PRPH2: variants seen among roughly 807,000 people sequenced by gnomAD.
PRPH2 encodes the protein peripherin-2.
In PRPH2, 17 loss-of-function variants were observed where a neutral mutation model predicts 31.3. The ratio of observed to expected loss-of-function variants is 0.54; its 90% CI spans 0.37 to 0.81. PRPH2 has a LOEUF of 0.81. Ranked by LOEUF, PRPH2 falls within the 40% of genes least tolerant of loss-of-function variation. The pLI is 0.00. For missense variants in PRPH2, 430 were observed against 439.7 expected (o/e 0.98, Z 0.20); for synonymous variants, 165 against 184.4 (o/e 0.89, Z 0.85).
Position 42,704,578 on chromosome 6 carries a change from C to G in PRPH2, c.615G>C (p.Leu205=). The G allele has an allele frequency of 6.2e-7, 1 of 1,614,186 alleles. No individual in the cohort carries two copies. The change falls in exon 2 of 3, where the codon CTG becomes CTC. Residue 205 remains leucine (L), a synonymous_variant. Coordinates refer to ENST00000230381, the MANE Select transcript of PRPH2 (RefSeq NM_000322.5). Reference sequence around the variant, plus strand: ...AGCAGCTGAAAGGGACGCCGTCCACCAGGTACCGCCCATCCACGTTGCTCT... The same window carrying G: ...AGCAGCTGAAAGGGACGCCGTCCACGAGGTACCGCCCATCCACGTTGCTCT... The part of the protein sequence containing the change: ...RIKSNVDGRY[L]VDGVPFSCCN...
At chr6:42,699,916 A>G (rs1800017163) in intron 2 of PRPH2, among the ~76,000 whole-genome samples, 1 of 151,622 alleles carries the variant, frequency 6.6e-6, no homozygotes, top group African/African-American at 2.4e-5. Context: ...GACCAACAGA[A>G]GAGCAGAAGA....
chr6:42,699,395 G>A (rs1032099196), intron 2 of PRPH2, among the ~76,000 whole-genome samples: 10 of 152,030 alleles, frequency 6.6e-5, no homozygotes, highest in Non-Finnish European at 1.5e-4. Context: ...GTGATGAATG[G>A]ATGCTGGTAA....
intron 2 of PRPH2, among the ~76,000 whole-genome samples, chr6:42,699,931 G>C (rs1435652800): frequency 6.6e-6 from 1 of 150,952 alleles, no homozygotes; most frequent in Non-Finnish European, 1.5e-5. Flanking sequence ...AGAAGAGTCA[G>C]CTGTAGCTGA....
intron 1 of PRPH2, among the ~76,000 whole-genome samples, chr6:42,708,689 G>T (rs1425860462): frequency 6.6e-6 from 1 of 152,170 alleles, no homozygotes; most frequent in African/African-American, 2.4e-5. Flanking sequence ...CTTCCCCTCA[G>T]TACAGTGTCC....
Position 42,699,493 on chromosome 6 carries a change from C to T in PRPH2, c.829-986G>A, listed in dbSNP as rs142982855. 2.5e-3 allele frequency among the ~76,000 whole-genome samples: 384 copies of T among 152,324 alleles called. 1 individual carries two copies. Among genetic ancestry groups the T allele is most frequent in the Middle Eastern group, 0.01 (3 of 294 alleles). On this transcript the variant is annotated intron_variant, in intron 2 of 2. Coordinates refer to ENST00000230381, the MANE Select transcript of PRPH2 (RefSeq NM_000322.5). ...GGTTCAAACCCGGGCACTTAGCCAG[C>T]CGTGTGACCAGGAAACCTCACTTTA...
intron 2 of PRPH2, among the ~76,000 whole-genome samples, chr6:42,701,231 T>G (rs1367362466): frequency 6.6e-6 from 1 of 151,874 alleles, no homozygotes; most frequent in African/African-American, 2.4e-5. Flanking sequence ...TTCAAGCAAT[T>G]CTCCTGCCTC....
chr6:42,701,577 G>C (rs1345643839), intron 2 of PRPH2, among the ~76,000 whole-genome samples: 2 of 151,050 alleles, frequency 1.3e-5, no homozygotes, highest in Non-Finnish European at 2.9e-5. Flanking sequence ...TGGCTCCGCT[G>C]ACTTCTTTTA....
rs367862962 is a variant in PRPH2, at chr6:42,704,380, G to A, written c.813C>T (p.Leu271=). The part of the protein sequence containing the change: ...LMNSMGVVTL[L]IWLFEVTITI... ...CAGGGCCTACCTCGAAGAGCCAAATGAGGAGCGTGACGACACCCATGGAGT... is the reference window on the plus strand; with the variant it reads ...CAGGGCCTACCTCGAAGAGCCAAATAAGGAGCGTGACGACACCCATGGAGT... Residue 271 remains leucine (L), a synonymous_variant, in exon 2 of 3, where the codon CTC becomes CTT. Transcript: ENST00000230381. 3.1e-6 allele frequency: 5 copies of A among 1,609,154 alleles called. No individual in the cohort carries two copies. The African/African-American group carries it at 4.0e-5, about 13-fold the overall frequency.
At chr6:42,704,668 C>T (rs1480933675) in intron 1 of PRPH2, 57 bp from the exon 2 acceptor site, 16 of 1,612,356 alleles carry the variant, frequency 9.9e-6, no homozygotes, top group Non-Finnish European at 1.4e-5. Flanking sequence ...ACAGGGGCCA[C>T]TTCCTCCCAA....
At chr6:42,708,494 C>T (rs887549901) in intron 1 of PRPH2, among the ~76,000 whole-genome samples, 2 of 152,202 alleles carry the variant, frequency 1.3e-5, no homozygotes, top group Non-Finnish European at 2.9e-5. Context: ...TCGGGCCTCC[C>T]GCTCCCCTCT....
At position 42,716,962 on chromosome 6, in the gene PRPH2, C is replaced by CTTTTTTTTTT. The variant is rs1161769235; in HGVS notation, c.581+4782_581+4791dup. On this transcript the variant is annotated intron_variant, in intron 1 of 2. Coordinates refer to ENST00000230381, the MANE Select transcript of PRPH2 (RefSeq NM_000322.5). ...TTCTTTTCTTTTCTTTCTTTCTTTT[C>CTTTTTTTTTT]TTTTTTTTTTTTTTTTTTTTTTTTG... Among the ~76,000 whole-genome samples the CTTTTTTTTTT allele has an allele frequency of 6.0e-4, 27 of 45,200 alleles. 2 individuals are homozygous for CTTTTTTTTTT. The highest frequency in any genetic ancestry group is 1.9e-3 in the African/African-American group (20 of 10,438). 29.7% of individuals were successfully genotyped at this position (45,200 alleles called of 152,430 possible).
intron 2 of PRPH2, among the ~76,000 whole-genome samples, chr6:42,701,413 G>A (rs955061830): frequency 1.1e-4 from 16 of 152,114 alleles, no homozygotes; most frequent in African/African-American, 3.4e-4. Context: ...ATAAGCCACC[G>A]CGCCTGGCCG....
At chr6:42,713,122 G>A (rs554244879) in intron 1 of PRPH2, among the ~76,000 whole-genome samples, 1 of 152,142 alleles carries the variant, frequency 6.6e-6, no homozygotes, top group South Asian at 2.1e-4. Flanking sequence ...CTACTTGGGA[G>A]GCTGAGGCAG....
intron 1 of PRPH2, among the ~76,000 whole-genome samples, chr6:42,709,351 A>C (rs1488259761): frequency 1.3e-5 from 2 of 150,662 alleles, no homozygotes; most frequent in Non-Finnish European, 3.0e-5. Flanking sequence ...AAAAAAAAAA[A>C]AAAACTTGGG....
chr6:42,716,950 TTTC>T (rs1761796743), intron 1 of PRPH2, among the ~76,000 whole-genome samples: 1 of 112,892 alleles, frequency 8.9e-6, no homozygotes, highest in Non-Finnish European at 1.8e-5. Context: ...TTTTCTTTTC[TTTC>T]TTTCTTTTCT....
intron 1 of PRPH2, among the ~76,000 whole-genome samples, chr6:42,717,641 A>C (rs1020369006): frequency 2.0e-5 from 3 of 152,212 alleles, no homozygotes; most frequent in Non-Finnish European, 2.9e-5. Flanking sequence ...AACCCTCCAA[A>C]ATGAAGCCAT....
chr6:42,708,849 T>A (rs1221649771), intron 1 of PRPH2, among the ~76,000 whole-genome samples: 1 of 152,138 alleles, frequency 6.6e-6, no homozygotes, highest in Non-Finnish European at 1.5e-5. Flanking sequence ...TCAGGGGTTA[T>A]GGGGGATATA....
chr6:42,698,474 T>A lies in PRPH2; in HGVS notation c.862A>T (p.Thr288Ser). ...GGGTTGGACACACCATCCAGCGACGTCTGTAGGTAGCGCAGCCCAATTGTA... is the reference window on the plus strand; with the variant it reads ...GGGTTGGACACACCATCCAGCGACGACTGTAGGTAGCGCAGCCCAATTGTA... The part of the protein sequence containing the change: ...TITIGLRYLQ[T>S]SLDGVSNPEE... Residue 288 changes from threonine to serine, a missense_variant, in exon 3 of 3, where the codon ACG (threonine) becomes TCG (serine). Thr to Ser is a moderately conservative substitution (Grantham distance 58). Coordinates refer to ENST00000230381, the MANE Select transcript of PRPH2 (RefSeq NM_000322.5). 6.2e-7 allele frequency: 1 copy of A among 1,614,112 alleles called. No individual in the cohort carries two copies. The highest frequency in any genetic ancestry group is 8.5e-7 in the Non-Finnish European group (1 of 1,180,024).
At position 42,698,382 on chromosome 6, in the gene PRPH2, G is replaced by A; in HGVS notation, c.954C>T (p.Ala318=). Residue 318 remains alanine, a synonymous_variant, in exon 3 of 3, where the codon GCC becomes GCT. Coordinates refer to ENST00000230381, the MANE Select transcript of PRPH2 (RefSeq NM_000322.5). ...CCAGCTTCTTCACACTCTCCAGAAA[G>A]GCCTTCCAGGTCTCCGGCACGCTCC... is the stretch of plus-strand genomic sequence containing the variant. ...LERSVPETWK[A]FLESVKKLGK... is the part of the protein sequence containing the mutation. 6.2e-7 allele frequency: 1 copy of A among 1,613,884 alleles called. No homozygotes were observed. The highest frequency in any genetic ancestry group is 8.5e-7 in the Non-Finnish European group (1 of 1,179,812).
Sources: allele counts gnomAD v4.1 joint callset (sites outside exome capture counted in the v4.1 genomes callset), GRCh38; gene constraint gnomAD v4.1.1; transcripts MANE v1.5; gene names NCBI Gene and HGNC (gene_info 2026-07-23, HGNC 2026-07-21).